KCNT1: variants seen among roughly 807,000 people sequenced by gnomAD.
The protein encoded by KCNT1 is potassium sodium-activated channel subfamily T member 1.
A neutral mutation model predicts 147.8 loss-of-function variants in KCNT1; 78 were observed. The observed-to-expected ratio is 0.53, with a 90% CI of 0.44 to 0.64. The LOEUF (loss-of-function observed/expected upper bound fraction) is 0.64. Among genes scored for constraint, KCNT1 ranks in the 30% least tolerant of loss-of-function variants. The probability of loss-of-function intolerance (pLI) is 0.00; values close to 1 mark genes in which losing one functional copy is unlikely to be tolerated. For missense variants in KCNT1, 1,419 were observed against 1,750.3 expected (o/e 0.81, Z 3.38); for synonymous variants, 867 against 748.8 (o/e 1.16, Z -2.58).
chr9:135,755,884 G>A (rs1179801996), intron 6 of KCNT1, among the ~76,000 whole-genome samples: 2 of 151,030 alleles, frequency 1.3e-5, no homozygotes, highest in African/African-American at 4.9e-5. Flanking sequence ...ACAGTCCCAG[G>A]CTCAGTAAGC....
At chr9:135,750,844 T>C (rs1390527705) in intron 3 of KCNT1, 98 bp from the exon 4 acceptor site, 12 of 1,082,766 alleles carry the variant, frequency 1.1e-5, no homozygotes, top group Non-Finnish European at 1.7e-5. Context: ...GGAGCCCAGC[T>C]GGGGCCATCC....
At chr9:135,705,816 G>A (rs1197954730) in intron 1 of KCNT1, among the ~76,000 whole-genome samples, 1 of 152,156 alleles carries the variant, frequency 6.6e-6, no homozygotes, top group Non-Finnish European at 1.5e-5. Context: ...GACAGTGGCA[G>A]GGCAGAGGCC....
chr9:135,756,742 G>C (rs1831504310), intron 6 of KCNT1, 131 bp from the exon 7 acceptor site: 1 of 786,448 alleles, frequency 1.3e-6, no homozygotes, highest in East Asian at 2.4e-5. Flanking sequence ...TCCTGACATG[G>C]GAGTGAGGGT....
intron 1 of KCNT1, among the ~76,000 whole-genome samples, chr9:135,709,787 TCTC>T (rs1358702544): frequency 3.3e-5 from 5 of 151,930 alleles, no homozygotes; most frequent in Non-Finnish European, 5.9e-5. Context: ...TTCCAACAAT[TCTC>T]CTGCCTCAGC....
In KCNT1 at chr9:135,755,173, A is replaced by T. The variant is rs1234047818; in HGVS notation, c.540+4A>T. 2 of 1,610,222 alleles carry T rather than the reference A, an allele frequency of 1.2e-6. No homozygotes were observed. Among genetic ancestry groups the T allele is most frequent in the South Asian group, 1.1e-5 (1 of 90,570 alleles). ...GATGACACTGTGGGCGATCCAGGTG[A>T]GTGCCCTACCCTGCCCCCCTCCCGA... On this transcript the variant is annotated splice_donor_region_variant and intron_variant, in intron 6 of 30. Transcript: ENST00000371757.
At chr9:135,773,998 A>G (rs1832931616) in intron 19 of KCNT1, among the ~76,000 whole-genome samples, 1 of 147,408 alleles carries the variant, frequency 6.8e-6, no homozygotes, top group Admixed American at 6.7e-5. Context: ...AAGACCGAGT[A>G]GGGCATGGGG....
In KCNT1 at chr9:135,794,387, AGAACATCAGT is replaced by A. The variant is rs2131613740; in HGVS notation, c.*2228_*2237del. The A allele has an allele frequency of 6.6e-6, 1 of 152,500 alleles. No individual in the cohort carries two copies. The highest frequency in any genetic ancestry group is 2.4e-5 in the African/African-American group (1 of 41,588). 9.4% of individuals were successfully genotyped at this position (152,500 alleles called of 1,614,324 possible). A position where few individuals can be genotyped will look rare whatever the true frequency, so the allele number is the denominator to read the frequency against. On this transcript the variant is annotated 3_prime_UTR_variant, in exon 31 of 31. Transcript: ENST00000371757. ...GCTGGGTGAGCACTTGGGGCCTCTG[AGAACATCAGT>A]GGTCCGTTCCCTCCTGCACACTGGT...
At chr9:135,781,093 C>T (rs1187949142) in intron 24 of KCNT1, among the ~76,000 whole-genome samples, 3 of 152,268 alleles carry the variant, frequency 2.0e-5, no homozygotes, top group African/African-American at 7.2e-5. Context: ...GCTTCACCTC[C>T]ACTGGGGCTC....
In KCNT1 at chr9:135,750,997, C is replaced by T; in HGVS notation, c.390C>T (p.Tyr130=). Residue 130 remains tyrosine (Y), a synonymous_variant, in exon 4 of 31, where the codon TAC becomes TAT. Coordinates refer to ENST00000371757, the MANE Select transcript of KCNT1 (RefSeq NM_020822.3). ...FSLKLLTCLL[Y]IVRVLLDDPA... ...TGAAGCTGCTCACCTGCCTGCTCTA[C>T]ATTGTGCGCGTCCTGCTCGATGACC... The T allele has an allele frequency of 1.2e-6, 2 of 1,613,150 alleles. No individual in the cohort carries two copies. Among genetic ancestry groups the T allele is most frequent in the Non-Finnish European group, 1.7e-6 (2 of 1,179,870 alleles).
intron 2 of KCNT1, among the ~76,000 whole-genome samples, chr9:135,740,097 T>C (rs777531882): frequency 6.6e-6 from 1 of 152,166 alleles, no homozygotes; most frequent in East Asian, 1.9e-4. Context: ...TCTCTTCTTA[T>C]AAGGACACCA....
chr9:135,769,869 C>G, intron 15 of KCNT1, 78 bp from the exon 16 acceptor site: 1 of 1,069,072 alleles, frequency 9.4e-7, no homozygotes, highest in Non-Finnish European at 1.4e-6. Context: ...ATAGCACCTT[C>G]AGGAAGTGAG....
chr9:135,762,323 G>C (rs1237976111), intron 11 of KCNT1, among the ~76,000 whole-genome samples: 4 of 152,204 alleles, frequency 2.6e-5, no homozygotes, highest in Non-Finnish European at 5.9e-5. Context: ...GCATGCACCT[G>C]TAGTCCCAGC....
chr9:135,706,746 G>A (rs1173826961), intron 1 of KCNT1, among the ~76,000 whole-genome samples: 1 of 152,208 alleles, frequency 6.6e-6, no homozygotes, highest in African/African-American at 2.4e-5. Context: ...GACAGCCAGG[G>A]CTCAGACCAC....
chr9:135,737,995 G>A lies in KCNT1; in HGVS notation c.255-12103G>A, dbSNP rs138163947. On this transcript the variant is annotated intron_variant, in intron 2 of 30. Transcript: ENST00000371757. ...CCCCCTCCTCTTCCTGGATGCTGGC[G>A]TGGGGGGAAGGGGGAGGGCAGTGAT... Among the ~76,000 whole-genome samples, 124 of 152,300 alleles carry A rather than the reference G, an allele frequency of 8.1e-4. No individual in the cohort carries two copies. In the East Asian group the frequency reaches 0.022, roughly 27 times the overall value.
rs1831273297 is a variant in KCNT1 at position 135,752,999 on chromosome 9, T to TGGATGGATGGATGGAG, written c.435-922_435-907dup. Among the ~76,000 whole-genome samples, 1 of 139,792 alleles carries TGGATGGATGGATGGAG rather than the reference T, an allele frequency of 7.2e-6. No individual in the cohort carries two copies. Among genetic ancestry groups the TGGATGGATGGATGGAG allele is most frequent in the African/African-American group, 2.8e-5 (1 of 36,234 alleles). 91.7% of individuals were successfully genotyped at this position (139,792 alleles called of 152,430 possible). A position where few individuals can be genotyped will look rare whatever the true frequency, so the allele number is the denominator to read the frequency against. On this transcript the variant is annotated intron_variant, in intron 4 of 30. Transcript: ENST00000371757. This position sits in a 1 kb window ranked among gnomAD's most constrained non-coding sequence, Gnocchi z 5.1. ...ATGAGCAGATGGTTGGAGGGATGAG[T>TGGATGGATGGATGGAG]GGATGGATGGATGGAGGGATGGATG...
At chr9:135,756,776 C>G in intron 6 of KCNT1, 97 bp from the exon 7 acceptor site, 1 of 982,588 alleles carries the variant, frequency 1.0e-6, no homozygotes, top group Non-Finnish European at 1.6e-6. Flanking sequence ...AGACACACAC[C>G]TGGCTTTGTG....
At chr9:135,762,948 C>G (rs1290635033) in intron 11 of KCNT1, among the ~76,000 whole-genome samples, 1 of 152,356 alleles carries the variant, frequency 6.6e-6, no homozygotes, top group South Asian at 2.1e-4. Flanking sequence ...CACTGTAGCT[C>G]GAGCTCCGTG....
chr9:135,788,394 C>G (rs749882733), intron 29 of KCNT1, among the ~76,000 whole-genome samples: 6 of 152,250 alleles, frequency 3.9e-5, no homozygotes, highest in Non-Finnish European at 8.8e-5. Context: ...TTGTGCTAGT[C>G]AAGGTGCTGT....
intron 13 of KCNT1, chr9:135,766,752 C>G (rs1832317670): frequency 6.6e-6 from 1 of 152,324 alleles, no homozygotes; most frequent in South Asian, 2.1e-4. Context: ...GCACCATACC[C>G]ACTGTGGAGC....
Sources: gnomAD v4.1 joint callset for allele counts (sites outside exome capture counted in the v4.1 genomes callset) on GRCh38, gnomAD v4.1.1 for gene constraint, Gnocchi (gnomAD v3.1) non-coding constraint, MANE v1.5 for transcripts, NCBI Gene and HGNC (gene_info 2026-07-23, HGNC 2026-07-21) for gene names.